CYP4X1: variants seen among roughly 807,000 people sequenced by gnomAD.
The protein encoded by CYP4X1 is cytochrome P450 family 4 subfamily X member 1, also known as cytochrome P450 4X1.
A neutral mutation model predicts 57.9 loss-of-function variants in CYP4X1; 44 were observed. The observed-to-expected ratio is 0.76, with a 90% CI of 0.60 to 0.98. The LOEUF is 0.98. Ranked by LOEUF, CYP4X1 falls within the 50% of genes least tolerant of loss-of-function variation. The pLI, the probability that CYP4X1 is intolerant of heterozygous loss-of-function variation, is 0.00. For missense variants in CYP4X1, 532 were observed against 623.9 expected, an observed-to-expected ratio of 0.85 and a Z score of 1.57; for synonymous variants, 227 against 228.6, an observed-to-expected ratio of 0.99 and a Z score of 0.06.
the CYP4X1 span, among the ~76,000 whole-genome samples, chr1:47,016,324 A>AT: frequency 6.7e-6 from 1 of 148,282 alleles, no homozygotes; most frequent in Non-Finnish European, 1.5e-5. Context: ...GCTGTACAGG[A>AT]TTTTTTTTAA....
At chr1:46,982,397 C>A in the CYP4X1 span, among the ~76,000 whole-genome samples, 1 of 152,166 alleles carries the variant, frequency 6.6e-6, no homozygotes, top group African/African-American at 2.4e-5. Context: ...AGTTAAGAAC[C>A]ATTGCTGGGG....
chr1:47,035,849 A>T lies in CYP4X1; in HGVS notation c.536A>T (p.Glu179Val). 6.2e-7 allele frequency: 1 copy of T among 1,613,634 alleles called. No homozygotes were observed. The highest frequency in any genetic ancestry group is 1.1e-5 in the South Asian group (1 of 91,014). The stretch of plus-strand genomic sequence containing the variant: ...TGCAGCACTCAGGACACAAGCGTGG[A>T]GGTCTATGAGCACATCAACTCGATG... ...KICSTQDTSV[E>V]VYEHINSMSL... is the part of the protein sequence containing the mutation. Residue 179 changes from glutamate to valine, a missense_variant, in exon 5 of 12, where the codon GAG becomes GTG. Transcript: ENST00000371901.
rs148858107 is a variant in CYP4X1 at position 47,043,656 on chromosome 1, T to G, written c.1074-2811T>G. ...GTCCTTGATCCATCTTGAGTTGATT[T>G]TTGTATAAGGTGAGAGATGAGGATC... On this transcript the variant is annotated intron_variant, in intron 8 of 11. Coordinates refer to ENST00000371901, the MANE Select transcript of CYP4X1 (RefSeq NM_178033.2). Among the ~76,000 whole-genome samples the G allele has an allele frequency of 6.4e-3, 971 of 152,296 alleles. 9 individuals are homozygous for G. Among genetic ancestry groups the G allele is most frequent in the African/African-American group, 0.022 (933 of 41,566 alleles).
intron 6 of CYP4X1, among the ~76,000 whole-genome samples, chr1:47,036,426 T>C (rs1644184762): frequency 6.9e-6 from 1 of 144,522 alleles, no homozygotes; most frequent in African/African-American, 2.6e-5. Context: ...AATACAAATA[T>C]AAGTAGGCAC....
At chr1:47,042,135 A>G (rs1644253057) in intron 8 of CYP4X1, among the ~76,000 whole-genome samples, 2 of 151,998 alleles carry the variant, frequency 1.3e-5, no homozygotes, top group Admixed American at 1.3e-4. Flanking sequence ...ATTAGTTTAT[A>G]TGTCTCTTTT....
the CYP4X1 span, among the ~76,000 whole-genome samples, chr1:46,979,045 C>T: frequency 6.6e-6 from 1 of 152,080 alleles, no homozygotes; most frequent in Non-Finnish European, 1.5e-5. Context: ...AATCAATCTC[C>T]TAACATCACA....
At chr1:46,980,998 C>T in the CYP4X1 span, among the ~76,000 whole-genome samples, 1 of 152,162 alleles carries the variant, frequency 6.6e-6, no homozygotes, top group African/African-American at 2.4e-5. Flanking sequence ...GGATTAAAGA[C>T]TTAAATATTA....
chr1:47,035,786 G>A lies in CYP4X1; in HGVS notation c.493-20G>A, dbSNP rs1466976817. 1 of 1,606,820 alleles carries A rather than the reference G, an allele frequency of 6.2e-7. No individual in the cohort carries two copies. ...GGTCATGGTGGTGGTGATGATGTTG[G>A]TCTTGACCTCCTGTGCCAGGATAAG... is the stretch of plus-strand genomic sequence containing the variant. On this transcript the variant is annotated intron_variant, in intron 4 of 11. Transcript: ENST00000371901.
intron 4 of CYP4X1, among the ~76,000 whole-genome samples, chr1:47,034,142 T>C (rs181779906): frequency 4.6e-5 from 7 of 152,300 alleles, no homozygotes; most frequent in Admixed American, 2.6e-4. Context: ...GACTTGAATA[T>C]GTAGGTAATA....
At chr1:47,049,033 C>T (rs1458341040) in intron 10 of CYP4X1, among the ~76,000 whole-genome samples, 1 of 152,206 alleles carries the variant, frequency 6.6e-6, no homozygotes, top group Non-Finnish European at 1.5e-5. Flanking sequence ...AGCTGTGAAG[C>T]TGCAAGGTCT....
chr1:46,975,524 AAAT>A, the CYP4X1 span, among the ~76,000 whole-genome samples: 1 of 152,098 alleles, frequency 6.6e-6, no homozygotes, highest in Admixed American at 6.5e-5. Context: ...TTTTCTCCTG[AAAT>A]GTCTACTCTT....
the CYP4X1 span, among the ~76,000 whole-genome samples, chr1:46,969,462 T>G: frequency 3.2e-4 from 48 of 152,348 alleles, 1 homozygote; most frequent in African/African-American, 1.1e-3. Flanking sequence ...GAGGAAGTAC[T>G]CATCCTGGGA....
At chr1:47,004,847 T>TTG in the CYP4X1 span, among the ~76,000 whole-genome samples, 4 of 152,200 alleles carry the variant, frequency 2.6e-5, no homozygotes, top group African/African-American at 9.6e-5. Context: ...TATTTAAACT[T>TTG]TGTTTTCTTA....
chr1:47,032,575 A>T (rs895558539), intron 3 of CYP4X1, among the ~76,000 whole-genome samples: 1 of 152,228 alleles, frequency 6.6e-6, no homozygotes, highest in Admixed American at 6.5e-5. Context: ...ATAAACTTTA[A>T]AGTCCTTTTA....
the CYP4X1 span, among the ~76,000 whole-genome samples, chr1:46,996,343 A>C: frequency 6.6e-6 from 1 of 152,204 alleles, no homozygotes; most frequent in South Asian, 2.1e-4. Context: ...GCCAGGTGGC[A>C]GCTCCTAAAC....
At chr1:46,980,920 C>G in the CYP4X1 span, among the ~76,000 whole-genome samples, 28 of 149,546 alleles carry the variant, frequency 1.9e-4, no homozygotes, top group African/African-American at 5.9e-4. Context: ...GGGAAAACTG[C>G]CTAGCCATAT....
chr1:46,995,298 G>T, the CYP4X1 span, among the ~76,000 whole-genome samples: 1 of 151,942 alleles, frequency 6.6e-6, no homozygotes, highest in East Asian at 1.9e-4. Context: ...AGAGGCTAAA[G>T]GCAGAAAACT....
At chr1:46,979,745 C>T in the CYP4X1 span, among the ~76,000 whole-genome samples, 36 of 152,166 alleles carry the variant, frequency 2.4e-4, no homozygotes, top group East Asian at 3.1e-3. Context: ...ACTGGCAAAC[C>T]GAATCCAGCA....
downstream of CYP4X1, among the ~76,000 whole-genome samples, chr1:47,051,161 C>G (rs957797809): frequency 6.6e-6 from 1 of 152,106 alleles, no homozygotes; most frequent in African/African-American, 2.4e-5. Context: ...CAGAGAAATG[C>G]AAATCAAAAC....
Sources: allele counts gnomAD v4.1 joint callset (sites outside exome capture counted in the v4.1 genomes callset), GRCh38; gene constraint gnomAD v4.1.1; transcripts MANE v1.5; gene names NCBI Gene and HGNC (gene_info 2026-07-23, HGNC 2026-07-21).